The following HEMK2 variants were observed in gnomAD, a reference collection of about 807,000 sequenced individuals.
The protein encoded by HEMK2 is methyltransferase HEMK2.
chr21:28,790,450 G>A, the HEMK2 span, among the ~76,000 whole-genome samples: 1 of 152,122 alleles, frequency 6.6e-6, no homozygotes, highest in Non-Finnish European at 1.5e-5. Context: ...CAAAGTTCTG[G>A]TGTTTTGCTG....
chr21:28,802,312 A>T, the HEMK2 span, among the ~76,000 whole-genome samples: 1 of 152,234 alleles, frequency 6.6e-6, no homozygotes, highest in Non-Finnish European at 1.5e-5. Context: ...TGAAAATAAA[A>T]GGAAGAGAAA....
the HEMK2 span, among the ~76,000 whole-genome samples, chr21:28,703,392 T>C: frequency 6.6e-6 from 1 of 151,836 alleles, no homozygotes; most frequent in African/African-American, 2.4e-5. Context: ...GGGGATGCAA[T>C]AAGCATTATT....
At chr21:28,609,282 T>C in the HEMK2 span, among the ~76,000 whole-genome samples, 1 of 152,018 alleles carries the variant, frequency 6.6e-6, no homozygotes, top group African/African-American at 2.4e-5. Context: ...TCTGGGTGGT[T>C]AGATCCAAAA....
the HEMK2 span, chr21:28,883,210 A>G: frequency 2.6e-5 from 13 of 495,524 alleles, no homozygotes; most frequent in Non-Finnish European, 4.4e-5. Context: ...ATAGAAATTT[A>G]TAATTTCTGA....
the HEMK2 span, among the ~76,000 whole-genome samples, chr21:28,611,145 T>A: frequency 6.6e-6 from 1 of 152,192 alleles, no homozygotes; most frequent in Non-Finnish European, 1.5e-5. Context: ...GACCATATGA[T>A]AGGCCACAAA....
chr21:28,859,819 A>G, the HEMK2 span, among the ~76,000 whole-genome samples: 1 of 152,168 alleles, frequency 6.6e-6, no homozygotes, highest in Admixed American at 6.5e-5. Context: ...ATAGAAAAAA[A>G]GTAACCAAAT....
the HEMK2 span, among the ~76,000 whole-genome samples, chr21:28,728,808 A>G: frequency 6.6e-6 from 1 of 152,214 alleles, no homozygotes; most frequent in African/African-American, 2.4e-5. Flanking sequence ...CTGAAATAGG[A>G]CACAAGGGAA....
At chr21:28,860,637 G>C in the HEMK2 span, among the ~76,000 whole-genome samples, 1 of 152,150 alleles carries the variant, frequency 6.6e-6, no homozygotes, top group East Asian at 1.9e-4. Flanking sequence ...AGATTGCCCT[G>C]AGTGACAGTC....
At chr21:28,761,594 C>T in the HEMK2 span, among the ~76,000 whole-genome samples, 1 of 147,118 alleles carries the variant, frequency 6.8e-6, no homozygotes, top group South Asian at 2.1e-4. Flanking sequence ...ATCTGCTCTA[C>T]AAAGCTTTTT....
chr21:28,731,833 C>G, the HEMK2 span, among the ~76,000 whole-genome samples: 2 of 117,860 alleles, frequency 1.7e-5, no homozygotes, highest in African/African-American at 7.6e-5. Context: ...AGTGAGCAGT[C>G]CCTGGAGCCA....
At chr21:28,636,443 C>T in the HEMK2 span, among the ~76,000 whole-genome samples, 307 of 152,232 alleles carry the variant, frequency 2.0e-3, no homozygotes, top group African/African-American at 6.9e-3. Flanking sequence ...CACTTTTTAA[C>T]GTAAAACCAT....
the HEMK2 span, among the ~76,000 whole-genome samples, chr21:28,836,692 G>A: frequency 0.01 from 1,571 of 152,210 alleles, 35 homozygotes; most frequent in African/African-American, 0.036. Flanking sequence ...TGATGTAAAT[G>A]CTCCACTTAA....
chr21:28,805,044 T>G, the HEMK2 span, among the ~76,000 whole-genome samples: 1 of 152,232 alleles, frequency 6.6e-6, no homozygotes, highest in African/African-American at 2.4e-5. Flanking sequence ...TTTAACAAAA[T>G]GTACTCTTCA....
chr21:28,826,546 T>C, the HEMK2 span, among the ~76,000 whole-genome samples: 1 of 152,176 alleles, frequency 6.6e-6, no homozygotes, highest in African/African-American at 2.4e-5. Flanking sequence ...AGGGCCACTA[T>C]TGACAGGAAC....
At chr21:28,605,769 G>C in the HEMK2 span, among the ~76,000 whole-genome samples, 1 of 152,130 alleles carries the variant, frequency 6.6e-6, no homozygotes, top group Non-Finnish European at 1.5e-5. Flanking sequence ...AGTATAGAAA[G>C]TGTTCATTTT....
chr21:28,594,437 A>G, the HEMK2 span, among the ~76,000 whole-genome samples: 2 of 152,350 alleles, frequency 1.3e-5, no homozygotes, highest in African/African-American at 4.8e-5. Context: ...AGTGCATGTT[A>G]TATGGAAATT....
chr21:28,793,199 A>C, the HEMK2 span, among the ~76,000 whole-genome samples: 1 of 152,206 alleles, frequency 6.6e-6, no homozygotes, highest in African/African-American at 2.4e-5. Flanking sequence ...TCTTTGAGCC[A>C]CTAGTCAAGA....
At chr21:28,776,461 A>C in the HEMK2 span, among the ~76,000 whole-genome samples, 3 of 152,194 alleles carry the variant, frequency 2.0e-5, no homozygotes, top group Non-Finnish European at 4.4e-5. Flanking sequence ...GTGTGGTGAG[A>C]GTAGGAGAAA....
chr21:28,878,380 T>C, the HEMK2 span: 1 of 1,602,958 alleles, frequency 6.2e-7, no homozygotes, highest in Non-Finnish European at 8.5e-7. Flanking sequence ...AAGTTTGATT[T>C]AGATCACAAA....
Sources: gnomAD v4.1 joint callset for allele counts (sites outside exome capture counted in the v4.1 genomes callset) on GRCh38, gnomAD v4.1.1 for gene constraint, MANE v1.5 for transcripts, NCBI Gene and HGNC (gene_info 2026-07-23, HGNC 2026-07-21) for gene names.